Variants in OR9Q1 observed in about 807,000 individuals in gnomAD.
OR9Q1 encodes the protein olfactory receptor family 9 subfamily Q member 1, also known as olfactory receptor 9Q1.
For missense variants in OR9Q1, 374 were observed against 378.8 expected (o/e 0.99, Z 0.11); for synonymous variants, 153 against 148.6 (o/e 1.03, Z -0.22).
At chr11:58,147,196 TC>T (rs1854306841) in intron 2 of OR9Q1, among the ~76,000 whole-genome samples, 3 of 152,246 alleles carry the variant, frequency 2.0e-5, no homozygotes, top group African/African-American at 7.2e-5. Context: ...TAGGACTGAT[TC>T]TTGGCAAAGT....
intron 2 of OR9Q1, among the ~76,000 whole-genome samples, chr11:58,090,161 T>G (rs1053550300): frequency 4.6e-5 from 7 of 152,162 alleles, no homozygotes; most frequent in Non-Finnish European, 1.0e-4. Context: ...CTGATTGCGC[T>G]GGTCAGAACT....
intron 2 of OR9Q1, among the ~76,000 whole-genome samples, chr11:58,176,667 G>C (rs898807169): frequency 1.3e-5 from 2 of 152,160 alleles, no homozygotes; most frequent in Non-Finnish European, 2.9e-5. Flanking sequence ...GGATGGTAGG[G>C]TCCAGGGACT....
intron 2 of OR9Q1, among the ~76,000 whole-genome samples, chr11:58,070,564 A>G (rs1269131450): frequency 2.6e-5 from 4 of 152,130 alleles, no homozygotes; most frequent in Non-Finnish European, 5.9e-5. Flanking sequence ...CTCCTCCAGG[A>G]CCACCCTACT....
chr11:58,172,116 C>T (rs890169598), intron 2 of OR9Q1, among the ~76,000 whole-genome samples: 7 of 152,100 alleles, frequency 4.6e-5, no homozygotes, highest in Non-Finnish European at 8.8e-5. Context: ...TTTGTTGTCT[C>T]TGAGGATATT....
intron 2 of OR9Q1, among the ~76,000 whole-genome samples, chr11:58,177,576 T>C (rs915591290): frequency 6.6e-6 from 1 of 152,208 alleles, no homozygotes; most frequent in African/African-American, 2.4e-5. Context: ...GAAGAGGCTC[T>C]AATGAAGGTA....
chr11:58,167,590 T>G (rs1468023741), intron 2 of OR9Q1, among the ~76,000 whole-genome samples: 1 of 152,198 alleles, frequency 6.6e-6, no homozygotes, highest in African/African-American at 2.4e-5. Context: ...GTCAACTGAC[T>G]ATAAAGTGAC....
intron 2 of OR9Q1, chr11:58,118,951 G>A (rs992587413): frequency 4.3e-6 from 7 of 1,613,984 alleles, no homozygotes; most frequent in South Asian, 1.1e-5. Flanking sequence ...GAAGGAGAGG[G>A]TGAAGGTGCA....
chr11:58,053,792 C>T (rs1361887435), intron 1 of OR9Q1, among the ~76,000 whole-genome samples: 3 of 151,738 alleles, frequency 2.0e-5, no homozygotes, highest in Admixed American at 6.6e-5. Flanking sequence ...ACCCTGTCAA[C>T]ATTCTTTTTC....
chr11:58,179,505 C>A lies in OR9Q1; in HGVS notation c.61C>A (p.Pro21Thr). 1.2e-6 allele frequency: 2 copies of A among 1,605,572 alleles called. No individual in the cohort carries two copies. The highest frequency in any genetic ancestry group is 1.7e-6 in the Non-Finnish European group (2 of 1,175,584). ...EFLLIAFTEY[P>T]EWALPLFLLF... ...CCTCCTTATTGCATTCACTGAATAT[C>A]CTGAATGGGCACTCCCTCTCTTCCT... Residue 21 changes from proline to threonine, a missense_variant, in exon 3 of 3, where the codon CCT becomes ACT. Coordinates refer to ENST00000335397, the MANE Select transcript of OR9Q1 (RefSeq NM_001005212.4).
chr11:58,066,848 CG>C (rs1017951587), intron 2 of OR9Q1, among the ~76,000 whole-genome samples: 3 of 151,998 alleles, frequency 2.0e-5, no homozygotes, highest in Non-Finnish European at 4.4e-5. Context: ...CAGGAGAGGC[CG>C]GGGGTCTCCA....
intron 1 of OR9Q1, among the ~76,000 whole-genome samples, chr11:58,034,799 T>C (rs1435780945): frequency 2.2e-4 from 29 of 134,644 alleles, no homozygotes; most frequent in Non-Finnish European, 3.7e-4. Flanking sequence ...TCTCCCTTCC[T>C]TCCTTCCTTC....
intron 2 of OR9Q1, among the ~76,000 whole-genome samples, chr11:58,125,779 T>G (rs1329291345): frequency 6.6e-6 from 1 of 152,102 alleles, no homozygotes; most frequent in East Asian, 1.9e-4. Flanking sequence ...AAACAAATCT[T>G]ATGGGAGCTC....
intron 2 of OR9Q1, among the ~76,000 whole-genome samples, chr11:58,127,138 C>A (rs1159207792): frequency 6.6e-6 from 1 of 152,002 alleles, no homozygotes; most frequent in Non-Finnish European, 1.5e-5. Context: ...TTAGTAGAGA[C>A]GGAGTTTCAC....
At chr11:58,165,027 C>A (rs954549369) in intron 2 of OR9Q1, among the ~76,000 whole-genome samples, 5 of 152,172 alleles carry the variant, frequency 3.3e-5, no homozygotes, top group Non-Finnish European at 5.9e-5. Flanking sequence ...CCTTAACTTT[C>A]TTTTCTGCTG....
intron 2 of OR9Q1, among the ~76,000 whole-genome samples, chr11:58,129,845 G>A (rs1231614784): frequency 6.6e-6 from 1 of 151,134 alleles, no homozygotes; most frequent in Non-Finnish European, 1.5e-5. Context: ...AAGAGGGCAG[G>A]GCTTTTTTTT....
intron 2 of OR9Q1, among the ~76,000 whole-genome samples, chr11:58,097,643 A>G (rs576098010): frequency 7.9e-5 from 12 of 152,316 alleles, no homozygotes; most frequent in African/African-American, 2.9e-4. Context: ...ATATCCACAC[A>G]CAGACTTCTG....
At chr11:58,150,834 A>G (rs536601908) in intron 2 of OR9Q1, among the ~76,000 whole-genome samples, 5 of 152,352 alleles carry the variant, frequency 3.3e-5, no homozygotes, top group African/African-American at 1.2e-4. Context: ...AGTTAACTCT[A>G]AAACAGCCCC....
At chr11:58,124,122 A>G (rs1285105976) in intron 2 of OR9Q1, among the ~76,000 whole-genome samples, 1 of 152,138 alleles carries the variant, frequency 6.6e-6, no homozygotes, top group Non-Finnish European at 1.5e-5. Flanking sequence ...CAGACTGGTG[A>G]CACCCAGTTT....
At chr11:58,064,297 A>C (rs1853408201) in intron 2 of OR9Q1, among the ~76,000 whole-genome samples, 1 of 152,156 alleles carries the variant, frequency 6.6e-6, no homozygotes, top group South Asian at 2.1e-4. Flanking sequence ...CTAGTCCAAT[A>C]CTCGTCTCCC....
Sources: allele counts gnomAD v4.1 joint callset (sites outside exome capture counted in the v4.1 genomes callset), GRCh38; gene constraint gnomAD v4.1.1; transcripts MANE v1.5; gene names NCBI Gene and HGNC (gene_info 2026-07-23, HGNC 2026-07-21).